LRRTM4: variants seen among roughly 807,000 people sequenced by gnomAD.
LRRTM4 encodes the protein leucine-rich repeat transmembrane neuronal protein 4.
A neutral mutation model predicts 47.6 loss-of-function variants in LRRTM4; 25 were observed. That is an observed-to-expected ratio of 0.53 (90% confidence interval 0.38 to 0.73). The LOEUF (loss-of-function observed/expected upper bound fraction) is 0.73, where lower values mean the gene tolerates loss of function less well. Among genes scored for constraint, LRRTM4 ranks in the 30% least tolerant of loss-of-function variants. LRRTM4 has a pLI of 0.00. For missense variants in LRRTM4, 638 were observed against 713.4 expected (o/e 0.89, Z 1.20); for synonymous variants, 311 against 269.5 (o/e 1.15, Z -1.51).
intron 3 of LRRTM4, among the ~76,000 whole-genome samples, chr2:77,007,964 GCA>G (rs796973720): frequency 9.7e-4 from 148 of 152,270 alleles, no homozygotes; most frequent in African/African-American, 3.4e-3. Flanking sequence ...CACTGAAAAT[GCA>G]CACTTTTACT....
At chr2:77,213,939 A>G (rs1236974714) in intron 3 of LRRTM4, among the ~76,000 whole-genome samples, 1 of 152,050 alleles carries the variant, frequency 6.6e-6, no homozygotes, top group South Asian at 2.1e-4. Context: ...CAGCTCCTGC[A>G]TTAAAAAAAA....
At chr2:76,803,267 G>T (rs763377325) in intron 3 of LRRTM4, among the ~76,000 whole-genome samples, 40 of 152,060 alleles carry the variant, frequency 2.6e-4, no homozygotes, top group Middle Eastern at 3.4e-3. Flanking sequence ...CAAATGACCT[G>T]ATTTTAAAAA....
chr2:77,223,131 A>G (rs1368800732), intron 3 of LRRTM4, among the ~76,000 whole-genome samples: 1 of 152,224 alleles, frequency 6.6e-6, no homozygotes, highest in East Asian at 1.9e-4. Context: ...CAATAGATGC[A>G]GAAAAGGCCT....
intron 3 of LRRTM4, among the ~76,000 whole-genome samples, chr2:77,104,185 C>A: frequency 6.6e-6 from 1 of 152,124 alleles, no homozygotes; most frequent in East Asian, 1.9e-4. Flanking sequence ...AATTCATCAG[C>A]CCACACTGCC....
At chr2:77,367,152 G>A (rs1469681277) in intron 3 of LRRTM4, among the ~76,000 whole-genome samples, 3 of 151,344 alleles carry the variant, frequency 2.0e-5, no homozygotes, top group East Asian at 1.9e-4. Flanking sequence ...CCTTGCCTTC[G>A]TCACCTAATT....
rs1266669641 is a variant in LRRTM4, at chr2:76,905,998, C to T, written c.1552-157082G>A. Among the ~76,000 whole-genome samples the T allele has an allele frequency of 4.6e-5, 7 of 151,986 alleles. No homozygotes were observed. In the South Asian group the frequency reaches 6.2e-4, roughly 14 times the overall value. ...TCAGATTCAGGAAATACAGAGAACG[C>T]CACAAAGATACTCCTCGAGAAGAGC... On this transcript the variant is annotated intron_variant, in intron 3 of 3. Transcript: ENST00000409884.
At chr2:76,844,380 C>T (rs1671778632) in intron 3 of LRRTM4, among the ~76,000 whole-genome samples, 1 of 152,096 alleles carries the variant, frequency 6.6e-6, no homozygotes, top group South Asian at 2.1e-4. Context: ...TGTGATCCAC[C>T]CACCTCAGCC....
intron 3 of LRRTM4, among the ~76,000 whole-genome samples, chr2:77,177,780 C>A (rs1276894905): frequency 1.3e-5 from 2 of 152,202 alleles, no homozygotes; most frequent in Non-Finnish European, 2.9e-5. Context: ...AGCTGCAACA[C>A]TTGTGAGTAC....
intron 3 of LRRTM4, among the ~76,000 whole-genome samples, chr2:76,819,184 TAGC>T (rs1329807869): frequency 1.3e-5 from 2 of 151,870 alleles, no homozygotes; most frequent in African/African-American, 4.8e-5. Context: ...ACAATCATAA[TAGC>T]AGTCAGTATT....
chr2:76,840,649 C>T (rs1573194937), intron 3 of LRRTM4, among the ~76,000 whole-genome samples: 1 of 152,102 alleles, frequency 6.6e-6, no homozygotes. Flanking sequence ...GCTGCCCCGA[C>T]TACATGTGCA....
intron 3 of LRRTM4, among the ~76,000 whole-genome samples, chr2:77,440,466 C>T (rs1230090942): frequency 6.6e-6 from 1 of 152,054 alleles, no homozygotes; most frequent in African/African-American, 2.4e-5. Context: ...GGAGTGCAAT[C>T]GACAGGGAAC....
chr2:77,096,083 C>T (rs1478247577), intron 3 of LRRTM4, among the ~76,000 whole-genome samples: 2 of 152,000 alleles, frequency 1.3e-5, no homozygotes, highest in Non-Finnish European at 2.9e-5. Flanking sequence ...ATTGGCTTAA[C>T]TGAATCTTTT....
intron 3 of LRRTM4, among the ~76,000 whole-genome samples, chr2:77,097,745 A>C (rs2103903308): frequency 6.6e-6 from 1 of 152,132 alleles, no homozygotes; most frequent in South Asian, 2.1e-4. Flanking sequence ...CATGTGTGAA[A>C]ATCAATTATC....
intron 3 of LRRTM4, among the ~76,000 whole-genome samples, chr2:76,914,641 T>C (rs1438190432): frequency 1.3e-5 from 2 of 152,056 alleles, no homozygotes; most frequent in African/African-American, 4.8e-5. Flanking sequence ...TTCTTCCTCT[T>C]ATCTGACTCA....
At chr2:76,784,342 C>CAT (rs1446027058) in intron 3 of LRRTM4, among the ~76,000 whole-genome samples, 2 of 151,966 alleles carry the variant, frequency 1.3e-5, no homozygotes, top group East Asian at 1.9e-4. Flanking sequence ...AGAAAATGTT[C>CAT]ATATATATAG....
chr2:76,948,514 G>A (rs1675397062), intron 3 of LRRTM4, among the ~76,000 whole-genome samples: 1 of 151,662 alleles, frequency 6.6e-6, no homozygotes, highest in African/African-American at 2.4e-5. Context: ...ATTTCCAGTA[G>A]AATTGGTAAG....
chr2:77,183,480 G>C (rs1673408463), intron 3 of LRRTM4, among the ~76,000 whole-genome samples: 3 of 152,258 alleles, frequency 2.0e-5, no homozygotes, highest in Admixed American at 2.0e-4. Context: ...TACACTGTTG[G>C]TGGGACTGTA....
At chr2:76,790,014 T>C (rs1674890138) in intron 3 of LRRTM4, among the ~76,000 whole-genome samples, 1 of 152,190 alleles carries the variant, frequency 6.6e-6, no homozygotes, top group African/African-American at 2.4e-5. Flanking sequence ...AGTTCTACTG[T>C]GGGAATTGGA....
intron 3 of LRRTM4, among the ~76,000 whole-genome samples, chr2:77,500,791 T>C (rs1242449677): frequency 1.3e-5 from 2 of 151,536 alleles, no homozygotes; most frequent in African/African-American, 4.8e-5. Flanking sequence ...CATCTCAATA[T>C]CCTAAACATC....
Sources: gnomAD v4.1 joint callset for allele counts (sites outside exome capture counted in the v4.1 genomes callset) on GRCh38, gnomAD v4.1.1 for gene constraint, MANE v1.5 for transcripts, NCBI Gene and HGNC (gene_info 2026-07-23, HGNC 2026-07-21) for gene names.